Variants in ACER1 observed in about 807,000 individuals in gnomAD.
The protein encoded by ACER1 is alkaline ceramidase 1.
ACER1 carries 28 observed loss-of-function variants against 24.9 expected under a neutral mutation model. That is an observed-to-expected ratio of 1.13 (90% CI 0.83 to 1.54). The LOEUF (loss-of-function observed/expected upper bound fraction) is 1.54, where lower values mean the gene tolerates loss of function less well. Ranked by LOEUF, ACER1 falls within the 40% of genes most tolerant of loss-of-function variation. ACER1 has a pLI of 0.00. For synonymous variants in ACER1, 132 were observed against 131.4 expected (o/e 1.00, Z -0.03); for missense variants, 352 against 349.3 (o/e 1.01, Z -0.06).
At chr19:6,348,564 C>A in the ACER1 span, among the ~76,000 whole-genome samples, 1 of 151,034 alleles carries the variant, frequency 6.6e-6, no homozygotes, top group Non-Finnish European at 1.5e-5. Context: ...GGGAAAAAAT[C>A]TTTCGTCACA....
At chr19:6,352,233 T>A in the ACER1 span, among the ~76,000 whole-genome samples, 2 of 152,066 alleles carry the variant, frequency 1.3e-5, no homozygotes, top group Non-Finnish European at 2.9e-5. Flanking sequence ...CTCTTCCCCT[T>A]GAATTTGGGT....
chr19:6,333,503 T>C lies in ACER1; in HGVS notation c.49A>G (p.Ser17Gly). 1 of 1,594,526 alleles carries C rather than the reference T, an allele frequency of 6.3e-7. No homozygotes were observed. The highest frequency in any genetic ancestry group is 8.5e-7 in the Non-Finnish European group (1 of 1,169,964). ...YQSSEVDWCE[S>G]NFQYSELVAE... is the part of the protein sequence containing the mutation. ...ACCAGCTCCGAGTACTGGAAGTTGC[T>C]CTCACACCAGTCCACCTCGGAGCTC... is the stretch of plus-strand genomic sequence containing the variant. The change falls in exon 1 of 6, where the codon AGC becomes GGC. Residue 17 changes from serine to glycine, a missense_variant. Coordinates refer to ENST00000301452, the MANE Select transcript of ACER1 (RefSeq NM_133492.3).
chr19:6,359,490 GT>G, the ACER1 span, among the ~76,000 whole-genome samples: 1 of 151,754 alleles, frequency 6.6e-6, no homozygotes, highest in African/African-American at 2.4e-5. Context: ...AGATAATTTT[GT>G]ATTTTTAATA....
At chr19:6,336,189 C>T (rs1205877112), upstream of ACER1, among the ~76,000 whole-genome samples, 1 of 152,122 alleles carries the variant, frequency 6.6e-6, no homozygotes, top group Non-Finnish European at 1.5e-5. Context: ...GCTTGAGCCA[C>T]TGTGCCTGGC....
Position 6,324,696 on chromosome 19 carries a change from C to G in ACER1, c.93+8763G>C, listed in dbSNP as rs144913621. ...AGGAGAATTTCTTGAACCCGGGAGG[C>G]AGAGATTGCACTGTTGCACTTTAGT... On this transcript the variant is annotated intron_variant, in intron 1 of 5. Coordinates refer to ENST00000301452, the MANE Select transcript of ACER1 (RefSeq NM_133492.3). 4.5e-3 allele frequency among the ~76,000 whole-genome samples: 681 copies of G among 151,484 alleles called. 5 individuals are homozygous for G. The highest frequency in any genetic ancestry group is 0.016 in the African/African-American group (643 of 41,286).
intron 1 of ACER1, among the ~76,000 whole-genome samples, chr19:6,314,617 T>TA (rs2145001635): frequency 1.3e-5 from 2 of 152,230 alleles, no homozygotes; most frequent in South Asian, 4.1e-4. Context: ...GACAAATACT[T>TA]ATATAATATG....
intron 4 of ACER1, among the ~76,000 whole-genome samples, chr19:6,308,453 A>AG (rs1297086503): frequency 6.6e-6 from 1 of 151,818 alleles, no homozygotes; most frequent in East Asian, 1.9e-4. Context: ...AAAAAAAAAA[A>AG]AAGATATTAA....
chr19:6,322,722 C>T (rs1403579996), intron 1 of ACER1, among the ~76,000 whole-genome samples: 6 of 152,154 alleles, frequency 3.9e-5, no homozygotes, highest in Admixed American at 3.9e-4. Context: ...AATTGTAACT[C>T]CCACAATTCC....
chr19:6,316,858 C>T (rs1338158700), intron 1 of ACER1, among the ~76,000 whole-genome samples: 1 of 150,458 alleles, frequency 6.6e-6, no homozygotes, highest in East Asian at 1.9e-4. Flanking sequence ...CACCACCACA[C>T]AATACATACA....
upstream of ACER1, among the ~76,000 whole-genome samples, chr19:6,335,413 C>T (rs956641490): frequency 3.3e-5 from 5 of 151,550 alleles, no homozygotes; most frequent in African/African-American, 4.8e-5. Context: ...TTAGTAGAGA[C>T]GGGGTTTCAC....
the ACER1 span, among the ~76,000 whole-genome samples, chr19:6,351,390 A>G: frequency 1.1e-3 from 170 of 151,428 alleles, no homozygotes; most frequent in Non-Finnish European, 1.9e-3. Flanking sequence ...AATAATAATA[A>G]TAAATAAATA....
At chr19:6,346,215 C>G in the ACER1 span, among the ~76,000 whole-genome samples, 1 of 152,004 alleles carries the variant, frequency 6.6e-6, no homozygotes, top group Non-Finnish European at 1.5e-5. Flanking sequence ...ATCTGAAATT[C>G]AAATTTAAAT....
At chr19:6,349,956 C>A in the ACER1 span, among the ~76,000 whole-genome samples, 1 of 152,140 alleles carries the variant, frequency 6.6e-6, no homozygotes, top group Non-Finnish European at 1.5e-5. Flanking sequence ...CATAGCAAGA[C>A]CTCGTCTCTA....
At chr19:6,314,555 T>A (rs1482540376) in intron 1 of ACER1, among the ~76,000 whole-genome samples, 1 of 151,548 alleles carries the variant, frequency 6.6e-6, no homozygotes, top group Non-Finnish European at 1.5e-5. Context: ...AGACTTTGAC[T>A]CCCCACAAAG....
chr19:6,321,136 C>A (rs1328033848), intron 1 of ACER1, among the ~76,000 whole-genome samples: 1 of 151,018 alleles, frequency 6.6e-6, no homozygotes. Context: ...AGAAAATTTT[C>A]TTTCTTTTTT....
chr19:6,359,507 G>A, the ACER1 span, among the ~76,000 whole-genome samples: 3 of 151,806 alleles, frequency 2.0e-5, no homozygotes, highest in South Asian at 4.2e-4. Context: ...TAATAGAGAC[G>A]GAGTTTCACT....
At position 6,312,115 on chromosome 19, in the gene ACER1, C is replaced by T. The variant is rs1014691801; in HGVS notation, c.350+34G>A. 7.5e-6 allele frequency: 12 copies of T among 1,606,774 alleles called. No individual in the cohort carries two copies. In the African/African-American group the frequency reaches 9.4e-5, roughly 13 times the overall value. On this transcript the variant is annotated intron_variant, in intron 3 of 5. Transcript: ENST00000301452. ...TGTAGAGTCAACTGAAGACTCAGAC[C>T]CCACCCTGTCCAGATGGCCAGCCCC...
intron 1 of ACER1, among the ~76,000 whole-genome samples, chr19:6,319,990 G>A (rs1021519997): frequency 1.1e-4 from 17 of 151,236 alleles, no homozygotes; most frequent in Non-Finnish European, 2.1e-4. Flanking sequence ...GATGCCTGTA[G>A]TGCCAGCTAC....
Position 6,309,910 on chromosome 19 carries a change from T to G in ACER1, c.351-76A>C, listed in dbSNP as rs557807031. 7.0e-6 allele frequency: 11 copies of G among 1,571,892 alleles called. No homozygotes were observed. The African/African-American group carries it at 1.5e-4, about 21-fold the overall frequency. ...TAGGCATGGTCACTTGGAGATCCCGTGGCCCAGGTGGGTGAGAAAAGGACA... is the reference window on the plus strand; with the variant it reads ...TAGGCATGGTCACTTGGAGATCCCGGGGCCCAGGTGGGTGAGAAAAGGACA... On this transcript the variant is annotated intron_variant, in intron 3 of 5. Transcript: ENST00000301452.
Sources: allele counts gnomAD v4.1 joint callset (sites outside exome capture counted in the v4.1 genomes callset), GRCh38; gene constraint gnomAD v4.1.1; transcripts MANE v1.5; gene names NCBI Gene and HGNC (gene_info 2026-07-23, HGNC 2026-07-21).